Variants in LRRC52 observed in about 807,000 individuals in gnomAD.
LRRC52 encodes the protein leucine rich repeat containing 52.
LRRC52 carries 15 observed loss-of-function variants against 14.7 expected under a neutral mutation model. The observed-to-expected ratio is 1.02, with a 90% confidence interval of 0.68 to 1.58. The LOEUF (loss-of-function observed/expected upper bound fraction) is 1.58, where lower values mean the gene tolerates loss of function less well. LRRC52 is among the 40% of genes most tolerant of loss of function. The pLI, the probability that LRRC52 is intolerant of heterozygous loss-of-function variation, is 0.00. For synonymous variants in LRRC52, 180 were observed against 163.9 expected, an observed-to-expected ratio of 1.10 and a Z score of -0.75; for missense variants, 400 against 387.7, an observed-to-expected ratio of 1.03 and a Z score of -0.27.
At chr1:165,551,026 G>A (rs1201366003) in intron 1 of LRRC52, among the ~76,000 whole-genome samples, 1 of 152,162 alleles carries the variant, frequency 6.6e-6, no homozygotes, top group Non-Finnish European at 1.5e-5. Context: ...CGCTCAGCAG[G>A]CAAGGTCCCA....
chr1:165,553,765 T>C (rs995485164), intron 1 of LRRC52, among the ~76,000 whole-genome samples: 1 of 151,920 alleles, frequency 6.6e-6, no homozygotes, highest in Admixed American at 6.6e-5. Context: ...TAAACATAGA[T>C]GGGGGTGACT....
rs1480460165 is a variant in LRRC52, at chr1:165,544,325, G to A, written c.29G>A (p.Gly10Glu). 5.6e-6 allele frequency: 9 copies of A among 1,613,968 alleles called. No individual in the cohort carries two copies. The highest frequency in any genetic ancestry group is 7.6e-6 in the Non-Finnish European group (9 of 1,179,984). MSLASGPGP[G>E]WLLFSFGMGL... is the part of the protein sequence containing the mutation. ...TCCCTTGCTTCAGGCCCTGGCCCTG[G>A]GTGGTTACTCTTTTCCTTTGGAATG... Residue 10 changes from glycine to glutamate, a missense_variant, in exon 1 of 2, where the codon GGG becomes GAG. By Grantham distance (98) the Gly-to-Glu change is moderately conservative. Coordinates refer to ENST00000294818, the MANE Select transcript of LRRC52 (RefSeq NM_001005214.4).
intron 1 of LRRC52, among the ~76,000 whole-genome samples, chr1:165,557,410 T>C (rs1055678499): frequency 6.6e-6 from 1 of 152,200 alleles, no homozygotes; most frequent in African/African-American, 2.4e-5. Context: ...ATTCTACCAC[T>C]CAGGTTCCCT....
intron 1 of LRRC52, among the ~76,000 whole-genome samples, chr1:165,555,609 C>T (rs909646409): frequency 5.3e-5 from 8 of 152,190 alleles, no homozygotes; most frequent in Admixed American, 3.3e-4. Context: ...CAAGGACACA[C>T]ATTCAGAGGC....
chr1:165,552,741 T>G (rs1381854837), intron 1 of LRRC52, among the ~76,000 whole-genome samples: 1 of 152,226 alleles, frequency 6.6e-6, no homozygotes, highest in Non-Finnish European at 1.5e-5. Context: ...TCTTCCCTGA[T>G]AGACCGGAAG....
chr1:165,562,944 CT>C (rs1354558521), intron 1 of LRRC52, among the ~76,000 whole-genome samples: 2 of 151,990 alleles, frequency 1.3e-5, no homozygotes, highest in African/African-American at 4.8e-5. Context: ...TCAGGAGAAT[CT>C]CGTCTCCTGA....
chr1:165,552,206 G>C (rs577252623), intron 1 of LRRC52, among the ~76,000 whole-genome samples: 1 of 152,260 alleles, frequency 6.6e-6, no homozygotes, highest in East Asian at 1.9e-4. Flanking sequence ...GGCCAATTGG[G>C]ATCCCTGAGA....
Position 165,563,940 on chromosome 1 carries a change from T to TA in LRRC52, c.*120dup. 2 of 1,143,876 alleles carry TA rather than the reference T, an allele frequency of 1.7e-6. No individual in the cohort carries two copies. Among genetic ancestry groups the TA allele is most frequent in the Non-Finnish European group, 2.5e-6 (2 of 806,582 alleles). The allele number at this position is 1,143,876 out of a possible 1,614,324, so 70.9% of individuals were successfully genotyped here. ...GATTGAAACCTTCTAGTAAAATAAA[T>TA]AAAATCTCTGATGGCCATTTCACAG... On this transcript the variant is annotated 3_prime_UTR_variant, in exon 2 of 2. Transcript: ENST00000294818.
intron 1 of LRRC52, among the ~76,000 whole-genome samples, chr1:165,546,465 AT>A (rs779302540): frequency 3.9e-5 from 6 of 152,214 alleles, no homozygotes; most frequent in Non-Finnish European, 5.9e-5. Flanking sequence ...CAAAACTGTG[AT>A]AGTGTCTAGA....
intron 1 of LRRC52, among the ~76,000 whole-genome samples, chr1:165,557,169 G>C (rs1661251921): frequency 6.6e-6 from 1 of 152,188 alleles, no homozygotes; most frequent in Non-Finnish European, 1.5e-5. Context: ...GTCTGCAGCA[G>C]TTTGTCCTCA....
Position 165,544,214 on chromosome 1 carries a change from GCCCCACCCCCCC to G in LRRC52, c.-82_-71del. ...CAGTTCTTTCCAGAGCCCCTCCCCC[GCCCCACCCCCCC>G]ACCGGCAGCCTTCGGATCAGAGGAC... is the stretch of plus-strand genomic sequence containing the variant. On this transcript the variant is annotated 5_prime_UTR_variant, in exon 1 of 2. Coordinates refer to ENST00000294818, the MANE Select transcript of LRRC52 (RefSeq NM_001005214.4). The G allele has an allele frequency of 2.5e-5, 10 of 404,272 alleles. 3 individuals are homozygous for G. Among genetic ancestry groups the G allele is most frequent in the Non-Finnish European group, 4.6e-5 (10 of 219,430 alleles). The allele number at this position is 404,272 out of a possible 1,614,324, so 25.0% of individuals were successfully genotyped here.
intron 1 of LRRC52, among the ~76,000 whole-genome samples, chr1:165,554,426 GGTTGTT>G (rs140256565): frequency 1.3e-5 from 2 of 150,476 alleles, no homozygotes; most frequent in Non-Finnish European, 3.0e-5. Context: ...AATGATAGGT[GGTTGTT>G]GTTGTTGTTG....
intron 1 of LRRC52, among the ~76,000 whole-genome samples, chr1:165,559,542 A>G (rs935501453): frequency 7.2e-5 from 11 of 152,358 alleles, no homozygotes; most frequent in Non-Finnish European, 1.0e-4. Context: ...TAAAAAGTCA[A>G]TAAGGGTATA....
At chr1:165,560,159 C>T (rs1661314461) in intron 1 of LRRC52, among the ~76,000 whole-genome samples, 2 of 152,166 alleles carry the variant, frequency 1.3e-5, no homozygotes, top group South Asian at 4.1e-4. Flanking sequence ...TTCTCATTAA[C>T]ATTGTAACAA....
At chr1:165,560,592 A>G (rs908548172) in intron 1 of LRRC52, among the ~76,000 whole-genome samples, 11 of 152,228 alleles carry the variant, frequency 7.2e-5, no homozygotes, top group Non-Finnish European at 1.6e-4. Context: ...GAGTGGGAAC[A>G]ATCACATGTC....
Position 165,544,320 on chromosome 1 carries a change from C to A in LRRC52, c.24C>A (p.Gly8=). ...CTATGTCCCTTGCTTCAGGCCCTGG[C>A]CCTGGGTGGTTACTCTTTTCCTTTG... MSLASGP[G]PGWLLFSFGM... Residue 8 remains glycine (G), a synonymous_variant, in exon 1 of 2, where the codon GGC becomes GGA. Transcript: ENST00000294818. 1 of 1,613,288 alleles carries A rather than the reference C, an allele frequency of 6.2e-7. No individual in the cohort carries two copies. Among genetic ancestry groups the A allele is most frequent in the Non-Finnish European group, 8.5e-7 (1 of 1,179,758 alleles).
Position 165,544,526 on chromosome 1 carries a change from G to A in LRRC52, c.230G>A (p.Ser77Asn). 1 of 1,614,180 alleles carries A rather than the reference G, an allele frequency of 6.2e-7. No individual in the cohort carries two copies. The highest frequency in any genetic ancestry group is 8.5e-7 in the Non-Finnish European group (1 of 1,180,036). Residue 77 changes from serine to asparagine, a missense_variant, in exon 1 of 2, where the codon AGT (serine) becomes AAT (asparagine). Physicochemically the swap from Ser to Asn is conservative, Grantham distance 46. Coordinates refer to ENST00000294818, the MANE Select transcript of LRRC52 (RefSeq NM_001005214.4). Reference sequence around the variant, plus strand: ...CCAGCAATGCATCTAGGACTCCTCAGTGACCTTGTTTATTTGGACTGTCAG... The same window carrying A: ...CCAGCAATGCATCTAGGACTCCTCAATGACCTTGTTTATTTGGACTGTCAG... ...SLPAMHLGLL[S>N]DLVYLDCQNN...
intron 1 of LRRC52, among the ~76,000 whole-genome samples, chr1:165,557,014 C>T (rs1348731656): frequency 6.6e-6 from 1 of 152,180 alleles, no homozygotes. Context: ...GGAGATCAGA[C>T]CAATAATCCA....
intron 1 of LRRC52, among the ~76,000 whole-genome samples, chr1:165,560,424 T>G (rs1053907870): frequency 1.3e-5 from 2 of 152,188 alleles, no homozygotes; most frequent in African/African-American, 4.8e-5. Context: ...TAGCTCTTAT[T>G]AACAAGAACA....
Sources: gnomAD v4.1 joint callset for allele counts (sites outside exome capture counted in the v4.1 genomes callset) on GRCh38, gnomAD v4.1.1 for gene constraint, MANE v1.5 for transcripts, NCBI Gene and HGNC (gene_info 2026-07-23, HGNC 2026-07-21) for gene names.